Variants in SV2B observed in about 807,000 individuals in gnomAD.
SV2B encodes the protein solute carrier family 22 member B2.
A neutral mutation model predicts 73.9 loss-of-function variants in SV2B; 41 were observed. The ratio of observed to expected loss-of-function variants is 0.56; its 90% CI spans 0.43 to 0.72. The LOEUF (loss-of-function observed/expected upper bound fraction) is 0.72. Among genes scored for constraint, SV2B ranks in the 30% least tolerant of loss-of-function variants. The pLI, the probability that SV2B is intolerant of heterozygous loss-of-function variation, is 0.00. For synonymous variants in SV2B, 314 were observed against 314.2 expected (o/e 1.00, Z 0.01); for missense variants, 764 against 857.8 (o/e 0.89, Z 1.37).
chr15:91,247,424 A>G (rs922268415), intron 2 of SV2B, among the ~76,000 whole-genome samples: 5 of 152,222 alleles, frequency 3.3e-5, no homozygotes, highest in African/African-American at 1.2e-4. Flanking sequence ...TTTAATGTAA[A>G]AATTATTAAC....
Position 91,290,038 on chromosome 15 carries a change from A to G in SV2B, c.1868+358A>G, listed in dbSNP as rs544672550. ...CAAAAAAGTGAAGAGCTGGAATAGCACAGGGTGGGGGCAAGGAGAGAAATA... is the reference window on the plus strand; with the variant it reads ...CAAAAAAGTGAAGAGCTGGAATAGCGCAGGGTGGGGGCAAGGAGAGAAATA... On this transcript the variant is annotated intron_variant, in intron 12 of 12. Transcript: ENST00000394232. The surrounding 1 kb of genome is among the most constrained non-coding windows in gnomAD (Gnocchi z 4.7). Among the ~76,000 whole-genome samples, 154 of 152,336 alleles carry G rather than the reference A, an allele frequency of 1.0e-3. No homozygotes were observed. The highest frequency in any genetic ancestry group is 1.8e-3 in the Non-Finnish European group (121 of 68,030).
intron 1 of SV2B, among the ~76,000 whole-genome samples, chr15:91,203,487 TA>T (rs2045531010): frequency 6.6e-6 from 1 of 152,252 alleles, no homozygotes; most frequent in Non-Finnish European, 1.5e-5. Context: ...CAAATAACTG[TA>T]AAAGTTAACA....
rs1466007792 is a variant in SV2B at position 91,105,629 on chromosome 15, T to C, written c.-392+5266T>C. Among the ~76,000 whole-genome samples, 1 of 152,190 alleles carries C rather than the reference T, an allele frequency of 6.6e-6. No individual in the cohort carries two copies. The highest frequency in any genetic ancestry group is 6.5e-5 in the Admixed American group (1 of 15,290). ...CTGAGCACAGGGTGCTATTAGCTGA[T>C]TTATGTTTTCCAAGGATCCCTTGAG... On this transcript the variant is annotated intron_variant, in intron 1 of 12. Transcript: ENST00000394232. The surrounding 1 kb of genome is among the most constrained non-coding windows in gnomAD (Gnocchi z 5.5).
At chr15:91,168,593 T>A (rs1270353576) in intron 1 of SV2B, among the ~76,000 whole-genome samples, 1 of 152,112 alleles carries the variant, frequency 6.6e-6, no homozygotes, top group Admixed American at 6.5e-5. Flanking sequence ...CTCTTGGAGA[T>A]TTTTCCATCT....
At chr15:91,159,615 TAGAAG>T (rs764994138) in intron 1 of SV2B, among the ~76,000 whole-genome samples, 4 of 152,252 alleles carry the variant, frequency 2.6e-5, no homozygotes, top group Non-Finnish European at 2.9e-5. Context: ...CATTGAAAGA[TAGAAG>T]ACATTCCCAT....
rs372099848 is a variant in SV2B at position 91,266,820 on chromosome 15, T to C, written c.1119+128T>C. The C allele has an allele frequency of 5.0e-4, 346 of 689,760 alleles. 5 individuals carry two copies. In the South Asian group the frequency reaches 7.5e-3, roughly 15 times the overall value. The allele number at this position is 689,760 out of a possible 1,614,324, so 42.7% of individuals were successfully genotyped here. ...CAGCGTGATGGAGAGGAAGCAACCC[T>C]GGAGGGGGGCGTTTGGGCTCCAGCC... is the stretch of plus-strand genomic sequence containing the variant. On this transcript the variant is annotated intron_variant, in intron 7 of 12. Transcript: ENST00000394232.
At chr15:91,211,310 A>G (rs1243752730) in intron 1 of SV2B, among the ~76,000 whole-genome samples, 3 of 152,100 alleles carry the variant, frequency 2.0e-5, no homozygotes, top group Non-Finnish European at 2.9e-5. Flanking sequence ...GAGTTTGTCA[A>G]CCTCATGAGA....
rs2042143387 is a variant in SV2B at position 91,115,193 on chromosome 15, C to A, written c.-392+14830C>A. 6.6e-6 allele frequency among the ~76,000 whole-genome samples: 1 copy of A among 152,174 alleles called. No homozygotes were observed. ...TGAAATAAAGATTACAAAGTGCTAC[C>A]TTTAAAGGAAAATTGGAGAGTTGTT... On this transcript the variant is annotated intron_variant, in intron 1 of 12. Transcript: ENST00000394232. This position sits in a 1 kb window ranked among gnomAD's most constrained non-coding sequence, Gnocchi z 4.3.
rs114070600 is a variant in SV2B at position 91,230,728 on chromosome 15, C to T, written c.451+4014C>T. ...TAAAAAATGTTTGAACATTACCACA[C>T]GCCTGGTACTCCTCTGGTTTATAGC... On this transcript the variant is annotated intron_variant, in intron 2 of 12. Transcript: ENST00000394232. Among the ~76,000 whole-genome samples the T allele has an allele frequency of 5.5e-3, 835 of 152,304 alleles. 7 individuals carry two copies. The highest frequency in any genetic ancestry group is 0.019 in the African/African-American group (774 of 41,560).
At chr15:91,191,102 G>A in intron 1 of SV2B, among the ~76,000 whole-genome samples, 1 of 69,020 alleles carries the variant, frequency 1.4e-5, no homozygotes, top group East Asian at 7.9e-4. Flanking sequence ...TCTTGCTCTT[G>A]TTGCCCAGGC....
intron 1 of SV2B, among the ~76,000 whole-genome samples, chr15:91,198,450 C>CGTGT (rs1225238820): frequency 5.1e-5 from 5 of 97,582 alleles, no homozygotes; most frequent in Middle Eastern, 4.7e-3. Flanking sequence ...CCAAGAAGCA[C>CGTGT]GTGTATGTGT....
At chr15:91,099,917 G>C (rs2041674293), upstream of SV2B, 1 of 152,302 alleles carries the variant, frequency 6.6e-6, no homozygotes, top group Admixed American at 6.5e-5. Context: ...CCCATGATCA[G>C]CTGGTTACAA....
At chr15:91,156,402 C>T (rs190927691) in intron 1 of SV2B, among the ~76,000 whole-genome samples, 83 of 152,260 alleles carry the variant, frequency 5.5e-4, no homozygotes, top group African/African-American at 1.5e-3. Context: ...ATTCCAGTGT[C>T]GGAGAGGTGT....
In SV2B at chr15:91,299,376, A is replaced by G. The variant is rs922789692; in HGVS notation, c.*6824A>G. 2 of 152,214 alleles carry G rather than the reference A, an allele frequency of 1.3e-5. No homozygotes were observed. Among genetic ancestry groups the G allele is most frequent in the African/African-American group, 2.4e-5 (1 of 41,458 alleles). 9.4% of individuals were successfully genotyped at this position (152,214 alleles called of 1,614,324 possible). A position where few individuals can be genotyped will look rare whatever the true frequency, so the allele number is the denominator to read the frequency against. The stretch of plus-strand genomic sequence containing the variant: ...AAGTGACAAAACAATACTTCTTTAA[A>G]AATGTATTTTATGATCTATTTATTG... On this transcript the variant is annotated 3_prime_UTR_variant, in exon 13 of 13. Transcript: ENST00000394232.
chr15:91,136,433 C>T lies in SV2B; in HGVS notation c.-392+36070C>T, dbSNP rs76544625. Among the ~76,000 whole-genome samples the T allele has an allele frequency of 0.03, 4,549 of 152,232 alleles. 240 individuals are homozygous for T. Among genetic ancestry groups the T allele is most frequent in the African/African-American group, 0.1 (4,319 of 41,528 alleles). On this transcript the variant is annotated intron_variant, in intron 1 of 12. Coordinates refer to ENST00000394232, the MANE Select transcript of SV2B (RefSeq NM_001323032.3). This position sits in a 1 kb window ranked among gnomAD's most constrained non-coding sequence, Gnocchi z 5.6. The stretch of plus-strand genomic sequence containing the variant: ...CTCGGAGAGAGAACCTTTATTTACC[C>T]GTGCCCATCCAGCTAGTGGAGAACC...
rs1567438858 is a variant in SV2B at position 91,289,561 on chromosome 15, G to GT, written c.1755dup (p.Gly586TrpfsTer4). On this transcript the variant is annotated frameshift_variant, in exon 12 of 13. Coordinates refer to ENST00000394232, the MANE Select transcript of SV2B (RefSeq NM_001323032.3). LOFTEE classifies it high-confidence loss of function. The surrounding 1 kb of genome is among the most constrained non-coding windows in gnomAD (Gnocchi z 4.9). ...TCTCTGCAGTCTGCTGCTTCTTCCT[G>GT]TTTTTTGGCAACAGTGAGTCTGCAA... The GT allele has an allele frequency of 6.8e-6, 11 of 1,614,194 alleles. No homozygotes were observed. The highest frequency in any genetic ancestry group is 9.3e-6 in the Non-Finnish European group (11 of 1,180,034).
chr15:91,255,835 C>G (rs2047669037), intron 4 of SV2B, among the ~76,000 whole-genome samples: 1 of 152,116 alleles, frequency 6.6e-6, no homozygotes, highest in South Asian at 2.1e-4. Context: ...TTATCTTAAG[C>G]CTCAGATGTT....
chr15:91,197,860 C>A lies in SV2B; in HGVS notation c.-391-28013C>A, dbSNP rs964771082. Among the ~76,000 whole-genome samples, 4 of 151,936 alleles carry A rather than the reference C, an allele frequency of 2.6e-5. No individual in the cohort carries two copies. The highest frequency in any genetic ancestry group is 4.4e-5 in the Non-Finnish European group (3 of 67,976). ...ATCAGCTTGGCCAACATGGTGAAAA[C>A]CCATCTCTACAAAAAATACAAAAAT... On this transcript the variant is annotated intron_variant, in intron 1 of 12. Transcript: ENST00000394232. The surrounding 1 kb of genome is among the most constrained non-coding windows in gnomAD (Gnocchi z 4.9).
At chr15:91,192,506 T>TA (rs1175972625) in intron 1 of SV2B, among the ~76,000 whole-genome samples, 27 of 152,310 alleles carry the variant, frequency 1.8e-4, no homozygotes, top group Non-Finnish European at 2.9e-4. Context: ...AATGAGATAA[T>TA]ATCAATATGG....
Sources: allele counts gnomAD v4.1 joint callset (sites outside exome capture counted in the v4.1 genomes callset), GRCh38; gene constraint gnomAD v4.1.1; non-coding constraint Gnocchi (gnomAD v3.1); transcripts MANE v1.5; gene names NCBI Gene and HGNC (gene_info 2026-07-23, HGNC 2026-07-21).